Variants in NLGN1 observed in about 807,000 individuals in gnomAD.
NLGN1 encodes the protein neuroligin-1.
Under a neutral mutation model 65.5 loss-of-function variants are expected in NLGN1, and 12 were observed. The ratio of observed to expected loss-of-function variants is 0.18; its 90% CI spans 0.12 to 0.30. The LOEUF (loss-of-function observed/expected upper bound fraction) is 0.30, where lower values mean the gene tolerates loss of function less well. NLGN1 is among the 10% of genes least tolerant of loss of function. NLGN1 has a pLI of 1.00. For missense variants in NLGN1, 750 were observed against 1,007.1 expected (o/e 0.74, Z 3.46); for synonymous variants, 350 against 359.5 (o/e 0.97, Z 0.30).
intron 4 of NLGN1, among the ~76,000 whole-genome samples, chr3:174,224,839 A>G (rs895808453): frequency 2.6e-5 from 4 of 152,158 alleles, no homozygotes; most frequent in Non-Finnish European, 5.9e-5. Context: ...CAGAATCCCC[A>G]GGATTTCAAT....
At chr3:174,291,702 A>C in the NLGN1 span, among the ~76,000 whole-genome samples, 1 of 151,216 alleles carries the variant, frequency 6.6e-6, no homozygotes, top group African/African-American at 2.4e-5. Context: ...ATTGGCATTA[A>C]AGAACTCAGG....
chr3:174,173,089 A>AT (rs199539220), intron 4 of NLGN1, among the ~76,000 whole-genome samples: 5 of 151,682 alleles, frequency 3.3e-5, no homozygotes, highest in Admixed American at 6.6e-5. Context: ...TGTGTATGGT[A>AT]TTTTTTTTAT....
intron 3 of NLGN1, among the ~76,000 whole-genome samples, chr3:173,730,556 A>G (rs999279090): frequency 1.3e-5 from 2 of 152,064 alleles, no homozygotes; most frequent in Non-Finnish European, 2.9e-5. Flanking sequence ...ATTTCAGACT[A>G]ACCACATTTC....
intron 4 of NLGN1, among the ~76,000 whole-genome samples, chr3:173,906,878 C>CAAAAAAAA (rs1224471514): frequency 9.1e-5 from 8 of 88,260 alleles, no homozygotes; most frequent in Non-Finnish European, 7.2e-5. Context: ...CAAACAAAAA[C>CAAAAAAAA]AAAAAAAAAA....
At chr3:173,711,155 G>T (rs11928704) in intron 3 of NLGN1, among the ~76,000 whole-genome samples, 8,675 of 152,198 alleles carry the variant, frequency 0.057, 485 homozygotes, top group African/African-American at 0.14. Flanking sequence ...GAGAAAAATA[G>T]TATTAATTTT....
chr3:174,116,357 T>TG (rs1716469575), intron 4 of NLGN1, among the ~76,000 whole-genome samples: 1 of 130,200 alleles, frequency 7.7e-6, no homozygotes, highest in Admixed American at 7.5e-5. Context: ...TTTTTTTTTT[T>TG]GAGACAGTCT....
intron 2 of NLGN1, among the ~76,000 whole-genome samples, chr3:173,539,815 CATAT>C (rs1738467671): frequency 7.6e-6 from 1 of 131,526 alleles, no homozygotes; most frequent in Admixed American, 7.5e-5. Context: ...TACATATATA[CATAT>C]GTTATATATG....
At chr3:174,027,064 T>A (rs1477094161) in intron 4 of NLGN1, among the ~76,000 whole-genome samples, 199 of 133,518 alleles carry the variant, frequency 1.5e-3, no homozygotes, top group African/African-American at 5.8e-3. Flanking sequence ...GTTCAATTTT[T>A]TTAAAAAAAA....
chr3:174,061,394 A>G (rs1039869019), intron 4 of NLGN1, among the ~76,000 whole-genome samples: 1 of 152,162 alleles, frequency 6.6e-6, no homozygotes, highest in African/African-American at 2.4e-5. Context: ...AAGGAAAGTC[A>G]TTACACTCAG....
chr3:173,992,347 C>G (rs1721297613), intron 4 of NLGN1, among the ~76,000 whole-genome samples: 1 of 150,862 alleles, frequency 6.6e-6, no homozygotes, highest in East Asian at 1.9e-4. Context: ...ACAGTGTGCT[C>G]AATAGCCATA....
At chr3:173,846,126 G>C (rs949645228) in intron 4 of NLGN1, among the ~76,000 whole-genome samples, 4 of 152,064 alleles carry the variant, frequency 2.6e-5, no homozygotes, top group Non-Finnish European at 5.9e-5. Flanking sequence ...TTTGCTTCTT[G>C]TGTCCCCAGT....
At chr3:173,625,621 CT>C (rs1267361147) in intron 3 of NLGN1, among the ~76,000 whole-genome samples, 5 of 152,024 alleles carry the variant, frequency 3.3e-5, no homozygotes, top group Admixed American at 6.6e-5. Flanking sequence ...TATTAAATAA[CT>C]TTTATGTACT....
intron 4 of NLGN1, among the ~76,000 whole-genome samples, chr3:174,107,017 C>CAGAGAGAGAGAGAGAGAGAG (rs71162376): frequency 1.0e-5 from 1 of 97,644 alleles, no homozygotes; most frequent in African/African-American, 4.2e-5. Flanking sequence ...CACACACACA[C>CAGAGAGAGAGAGAGAGAGAG]AGAGAGAGAG....
chr3:173,399,911 G>GT (rs2148598058), intron 1 of NLGN1: 1 of 152,236 alleles, frequency 6.6e-6, no homozygotes, highest in South Asian at 2.1e-4. Flanking sequence ...TTTGAGTGAC[G>GT]TATCTCTCTG....
At chr3:173,783,379 C>G (rs1468918012) in intron 3 of NLGN1, among the ~76,000 whole-genome samples, 1 of 152,136 alleles carries the variant, frequency 6.6e-6, no homozygotes, top group East Asian at 1.9e-4. Context: ...TAACTTGGAA[C>G]AAGTTACTGA....
intron 4 of NLGN1, among the ~76,000 whole-genome samples, chr3:173,858,311 A>G (rs926673473): frequency 1.3e-5 from 2 of 152,076 alleles, no homozygotes; most frequent in African/African-American, 2.4e-5. Context: ...ACTGAGTCAT[A>G]TATTTTCCCT....
chr3:173,750,638 C>G (rs1210856674), intron 3 of NLGN1, among the ~76,000 whole-genome samples: 2 of 152,032 alleles, frequency 1.3e-5, no homozygotes, highest in East Asian at 3.9e-4. Flanking sequence ...TTCTGTGCCT[C>G]AAAGTAATCA....
rs142723567 is a variant in NLGN1 at position 173,775,724 on chromosome 3, G to A, written c.494-31956G>A. On this transcript the variant is annotated intron_variant, in intron 3 of 6. Transcript: ENST00000457714. ...GTTAATTAAATGGAAGAATGGACATGGAAGTAGTTTAAAAACAATAATGCA... is the reference window on the plus strand; with the variant it reads ...GTTAATTAAATGGAAGAATGGACATAGAAGTAGTTTAAAAACAATAATGCA... 7.9e-4 allele frequency among the ~76,000 whole-genome samples: 120 copies of A among 152,202 alleles called. 1 individual carries two copies. The highest frequency in any genetic ancestry group is 2.7e-3 in the African/African-American group (114 of 41,550).
chr3:173,399,174 GAA>G (rs1015826872), intron 1 of NLGN1, among the ~76,000 whole-genome samples: 6 of 152,216 alleles, frequency 3.9e-5, no homozygotes, highest in African/African-American at 1.4e-4. Context: ...GATTCACAGA[GAA>G]AGTGGAAGTT....
Sources: allele counts gnomAD v4.1 joint callset (sites outside exome capture counted in the v4.1 genomes callset), GRCh38; gene constraint gnomAD v4.1.1; transcripts MANE v1.5; gene names NCBI Gene and HGNC (gene_info 2026-07-23, HGNC 2026-07-21).